The following LSMEM2 variants were observed in gnomAD, a reference collection of about 807,000 sequenced individuals.
The protein encoded by LSMEM2 is leucine rich single-pass membrane protein 2, also known as leucine-rich single-pass membrane protein 2.
A neutral mutation model predicts 17.3 loss-of-function variants in LSMEM2; 20 were observed. The ratio of observed to expected loss-of-function variants is 1.16; its 90% confidence interval spans 0.81 to 1.68. The LOEUF (loss-of-function observed/expected upper bound fraction) is 1.68, where lower values mean the gene tolerates loss of function less well. Among genes scored for constraint, LSMEM2 ranks in the 40% most tolerant of loss-of-function variants. The pLI, the probability that LSMEM2 is intolerant of heterozygous loss-of-function variation, is 0.00. For missense variants in LSMEM2, 207 were observed against 214.3 expected, an observed-to-expected ratio of 0.97 and a Z score of 0.21; for synonymous variants, 94 against 97.8, an observed-to-expected ratio of 0.96 and a Z score of 0.23.
Position 50,285,901 on chromosome 3 carries a change from G to A in LSMEM2, c.59-570G>A, listed in dbSNP as rs587672850. 4.4e-4 allele frequency among the ~76,000 whole-genome samples: 67 copies of A among 152,260 alleles called. 1 individual carries two copies. In the South Asian group the frequency reaches 6.4e-3, roughly 15 times the overall value. On this transcript the variant is annotated intron_variant, in intron 1 of 3. Transcript: ENST00000316436. ...CTAGATGCCCAGGCAGCCTCAGGGA[G>A]ATGTGTGAAGGGAGAGACCTCAGAG... is the stretch of plus-strand genomic sequence containing the variant.
intron 1 of LSMEM2, among the ~76,000 whole-genome samples, chr3:50,281,111 A>G (rs2109260973): frequency 6.6e-6 from 1 of 151,328 alleles, no homozygotes; most frequent in East Asian, 2.0e-4. Flanking sequence ...GCTGGAGTGC[A>G]GTGGCACGAT....
rs1343831065 is a variant in LSMEM2 at position 50,286,967 on chromosome 3, A to T, written c.362-102A>T. On this transcript the variant is annotated intron_variant, in intron 3 of 3. Coordinates refer to ENST00000316436, the MANE Select transcript of LSMEM2 (RefSeq NM_153215.3). Reference sequence around the variant, plus strand: ...GTAACTGCAGATGCTGCAGCAGTGAAGGATGGGGCGGGAGGCCCGTGGCTG... The same window carrying T: ...GTAACTGCAGATGCTGCAGCAGTGATGGATGGGGCGGGAGGCCCGTGGCTG... The T allele has an allele frequency of 3.8e-6, 6 of 1,587,732 alleles. No homozygotes were observed. In the African/African-American group the frequency reaches 8.1e-5, roughly 21 times the overall value.
chr3:50,279,145 T>A lies in LSMEM2; in HGVS notation c.32T>A (p.Leu11His). 6.2e-7 allele frequency: 1 copy of A among 1,614,180 alleles called. No individual in the cohort carries two copies. Among genetic ancestry groups the A allele is most frequent in the Non-Finnish European group, 8.5e-7 (1 of 1,180,014 alleles). MPSLAPDCPL[L>H]AMPEETQEDS... ...TCATTGGCCCCCGACTGCCCACTGC[T>A]TGCCATGCCTGAGGAGACCCAAGAA... The change falls in exon 1 of 4, where the codon CTT becomes CAT. Residue 11 changes from leucine (L) to histidine (H), a missense_variant. By Grantham distance (99) the Leu-to-His change is moderately conservative. Coordinates refer to ENST00000316436, the MANE Select transcript of LSMEM2 (RefSeq NM_153215.3).
chr3:50,282,691 C>A (rs782189931), intron 1 of LSMEM2, among the ~76,000 whole-genome samples: 1 of 151,524 alleles, frequency 6.6e-6, no homozygotes, highest in Non-Finnish European at 1.5e-5. Context: ...TCAAGACCAG[C>A]GTGGCCAAAA....
intron 1 of LSMEM2, among the ~76,000 whole-genome samples, chr3:50,280,606 T>C (rs1446723872): frequency 1.3e-5 from 2 of 150,720 alleles, no homozygotes; most frequent in African/African-American, 2.4e-5. Context: ...TTTTTTTTTT[T>C]TTTTTGAGAT....
intron 1 of LSMEM2, among the ~76,000 whole-genome samples, chr3:50,282,688 C>G (rs1459343438): frequency 6.6e-6 from 1 of 151,154 alleles, no homozygotes; most frequent in Non-Finnish European, 1.5e-5. Context: ...AGTTCAAGAC[C>G]AGCGTGGCCA....
rs200133922 is a variant in LSMEM2, at chr3:50,286,909, G to A, written c.361+47G>A. 18 of 1,602,524 alleles carry A rather than the reference G, an allele frequency of 1.1e-5. No individual in the cohort carries two copies. The Admixed American group carries it at 1.7e-4, about 15-fold the overall frequency. ...GTAGGAATGGAAAGCAAGGCAGTGGGGACTGGGAGGCCCTTCTGTGCAGCT... is the reference window on the plus strand; with the variant it reads ...GTAGGAATGGAAAGCAAGGCAGTGGAGACTGGGAGGCCCTTCTGTGCAGCT... On this transcript the variant is annotated intron_variant, in intron 3 of 3. Coordinates refer to ENST00000316436, the MANE Select transcript of LSMEM2 (RefSeq NM_153215.3).
In LSMEM2 at chr3:50,286,730, G is replaced by A. The variant is rs372432350; in HGVS notation, c.229G>A (p.Gly77Ser). The change falls in exon 3 of 4, where the codon GGC becomes AGC. Residue 77 changes from glycine (G) to serine (S), a missense_variant. Physicochemically the swap from Gly to Ser is moderately conservative, Grantham distance 56. Transcript: ENST00000316436. ...GGCACGACCGTGGGATGAGCTGCTG[G>A]GCGTTTTGCCGCCGTCACTGTGTGC... ...EEARPWDELL[G>S]VLPPSLCAQA... 6 of 1,614,230 alleles carry A rather than the reference G, an allele frequency of 3.7e-6. No individual in the cohort carries two copies. The Admixed American group carries it at 1.0e-4, about 27-fold the overall frequency.
intron 1 of LSMEM2, among the ~76,000 whole-genome samples, chr3:50,284,452 G>T (rs930232523): frequency 2.0e-5 from 3 of 151,596 alleles, no homozygotes; most frequent in African/African-American, 7.3e-5. Flanking sequence ...AAATCAGGCC[G>T]GGCATGGTGG....
At chr3:50,278,973 C>G, upstream of LSMEM2, 1 of 858,612 alleles carries the variant, frequency 1.2e-6, no homozygotes, top group Non-Finnish European at 1.9e-6. Flanking sequence ...TCTGCCCCTT[C>G]CCATGGCTGA....
chr3:50,280,752 CCTGG>C (rs1364015388), intron 1 of LSMEM2, among the ~76,000 whole-genome samples: 5 of 151,904 alleles, frequency 3.3e-5, no homozygotes. Context: ...CGCCACTACG[CCTGG>C]CTAATTTTTT....
intron 1 of LSMEM2, among the ~76,000 whole-genome samples, chr3:50,282,539 A>G (rs1036165469): frequency 2.6e-5 from 4 of 152,200 alleles, no homozygotes; most frequent in African/African-American, 9.7e-5. Context: ...AGCTCTTGGC[A>G]TCTGGACCAG....
At chr3:50,279,878 CTT>C (rs781923861) in intron 1 of LSMEM2, among the ~76,000 whole-genome samples, 9 of 144,200 alleles carry the variant, frequency 6.2e-5, no homozygotes, top group Admixed American at 7.0e-5. Context: ...ACATTTTCAA[CTT>C]TTTTTTTTTT....
At chr3:50,285,421 C>T (rs587736082) in intron 1 of LSMEM2, among the ~76,000 whole-genome samples, 1 of 152,096 alleles carries the variant, frequency 6.6e-6, no homozygotes, top group Non-Finnish European at 1.5e-5. Flanking sequence ...GGGCAGATCA[C>T]TTGAGGTCAG....
At position 50,287,780 on chromosome 3, in the gene LSMEM2, C is replaced by CTT. The variant is rs1553708832; in HGVS notation, c.*579_*580dup. ...TTCTGTTTAATTATCTGTAATAATC[C>CTT]TTAAAAATCAGCACACAAATCCATT... On this transcript the variant is annotated 3_prime_UTR_variant, in exon 4 of 4. Coordinates refer to ENST00000316436, the MANE Select transcript of LSMEM2 (RefSeq NM_153215.3). The CTT allele has an allele frequency of 4.3e-6, 1 of 233,374 alleles. No individual in the cohort carries two copies. Among genetic ancestry groups the CTT allele is most frequent in the East Asian group, 1.0e-4 (1 of 9,902 alleles). 14.5% of individuals were successfully genotyped at this position (233,374 alleles called of 1,614,324 possible).
At chr3:50,285,222 C>G (rs1461530325) in intron 1 of LSMEM2, among the ~76,000 whole-genome samples, 2 of 151,656 alleles carry the variant, frequency 1.3e-5, no homozygotes, top group Non-Finnish European at 2.9e-5. Context: ...ATCCCAGCTA[C>G]TCAGGAGGCT....
intron 1 of LSMEM2, among the ~76,000 whole-genome samples, chr3:50,283,556 G>T (rs1245475158): frequency 1.3e-5 from 2 of 151,778 alleles, no homozygotes; most frequent in East Asian, 1.9e-4. Flanking sequence ...GAACCTGGGA[G>T]GCGGAGCTTG....
Position 50,287,444 on chromosome 3 carries a change from G to A in LSMEM2, c.*242G>A. ...GGGTGGCCCAAGGTCAGGGGAAGGG[G>A]CACCAGCCTCCTGGCTCCTCCTGTG... On this transcript the variant is annotated 3_prime_UTR_variant, in exon 4 of 4. Coordinates refer to ENST00000316436, the MANE Select transcript of LSMEM2 (RefSeq NM_153215.3). 1 of 571,682 alleles carries A rather than the reference G, an allele frequency of 1.7e-6. No homozygotes were observed. The highest frequency in any genetic ancestry group is 3.1e-6 in the Non-Finnish European group (1 of 323,016). The allele number at this position is 571,682 out of a possible 1,614,324, so 35.4% of individuals were successfully genotyped here.
At chr3:50,278,131 G>A (rs1381841815), upstream of LSMEM2, among the ~76,000 whole-genome samples, 2 of 152,178 alleles carry the variant, frequency 1.3e-5, no homozygotes, top group African/African-American at 4.8e-5. Context: ...GTGGTAACAA[G>A]CTTGTTGACT....
Sources: gnomAD v4.1 joint callset for allele counts (sites outside exome capture counted in the v4.1 genomes callset) on GRCh38, gnomAD v4.1.1 for gene constraint, MANE v1.5 for transcripts, NCBI Gene and HGNC (gene_info 2026-07-23, HGNC 2026-07-21) for gene names.